The following CMTR1 variants were observed in gnomAD, a reference collection of about 807,000 sequenced individuals.
The protein encoded by CMTR1 is cap-specific mRNA (nucleoside-2'-O-)-methyltransferase 1.
In CMTR1, 39 loss-of-function variants were observed where a neutral mutation model predicts 107.0. The ratio of observed to expected loss-of-function variants is 0.36; its 90% confidence interval spans 0.28 to 0.48. The LOEUF (loss-of-function observed/expected upper bound fraction) is 0.48, where lower values mean the gene tolerates loss of function less well. Among genes scored for constraint, CMTR1 ranks in the 20% least tolerant of loss-of-function variants. CMTR1 has a pLI of 0.99. For missense variants in CMTR1, 672 were observed against 1,064.9 expected (o/e 0.63, Z 5.14); for synonymous variants, 366 against 379.5 (o/e 0.96, Z 0.41).
At chr6:37,477,905 G>T (rs1458275705) in intron 21 of CMTR1, among the ~76,000 whole-genome samples, 1 of 152,238 alleles carries the variant, frequency 6.6e-6, no homozygotes, top group Admixed American at 6.5e-5. Context: ...TCATAGTTAC[G>T]ATGGGCCCTG....
chr6:37,446,161 A>T, intron 3 of CMTR1, 130 bp from the exon 4 acceptor site: 1 of 997,138 alleles, frequency 1.0e-6, no homozygotes, highest in Non-Finnish European at 1.5e-6. Context: ...TTTCTTCATT[A>T]GGCTAAGACA....
chr6:37,471,162 T>C, intron 14 of CMTR1, 85 bp downstream of exon 14: 1 of 1,250,714 alleles, frequency 8.0e-7, no homozygotes, highest in Non-Finnish European at 1.1e-6. Flanking sequence ...TTTTTTTCAT[T>C]TCAACAAACA....
chr6:37,438,451 C>T lies in CMTR1; in HGVS notation c.133+2689C>T, dbSNP rs6925634. Among the ~76,000 whole-genome samples, 145 of 152,172 alleles carry T rather than the reference C, an allele frequency of 9.5e-4. 4 individuals carry two copies. The South Asian group carries it at 0.02, about 21-fold the overall frequency. ...GTATGTGTCTGGCAAGAGGCCACTT[C>T]GTCCTTTCATTTGCAGAAAATGAGA... On this transcript the variant is annotated intron_variant, in intron 2 of 23. Transcript: ENST00000373451.
At chr6:37,446,523 A>G (rs765990739) in intron 4 of CMTR1, 74 bp downstream of exon 4, 121 of 1,514,568 alleles carry the variant, frequency 8.0e-5, no homozygotes, top group Non-Finnish European at 1.0e-4. Flanking sequence ...AAGCCATATC[A>G]ACAAACTAGA....
chr6:37,479,301 A>T (rs1353163990), intron 23 of CMTR1, 46 bp downstream of exon 23: 1 of 1,284,020 alleles, frequency 7.8e-7, no homozygotes, highest in African/African-American at 1.5e-5. Flanking sequence ...AGCCTCAAGT[A>T]CTCCTGCAGG....
At chr6:37,453,349 A>G in intron 8 of CMTR1, 37 bp downstream of exon 8, 3 of 1,576,952 alleles carry the variant, frequency 1.9e-6, no homozygotes, top group South Asian at 2.2e-5. Flanking sequence ...TCATGGTGCT[A>G]AGAGGGCTTA....
chr6:37,425,451 G>A, the CMTR1 span, among the ~76,000 whole-genome samples: 3 of 150,778 alleles, frequency 2.0e-5, no homozygotes, highest in Non-Finnish European at 4.4e-5. Context: ...CACGTGCCAC[G>A]CCTGGCTAAT....
intron 2 of CMTR1, among the ~76,000 whole-genome samples, chr6:37,438,878 A>G (rs534003372): frequency 3.3e-5 from 5 of 152,212 alleles, no homozygotes; most frequent in African/African-American, 4.8e-5. Context: ...CAGCTTTCCT[A>G]TTCAAATCAT....
chr6:37,475,444 G>C, intron 19 of CMTR1, 32 bp downstream of exon 19: 3 of 1,581,324 alleles, frequency 1.9e-6, no homozygotes, highest in African/African-American at 1.3e-5. Flanking sequence ...AGGGAGGGTG[G>C]GGGTAGGCCA....
At chr6:37,476,371 C>T (rs1448285634) in intron 20 of CMTR1, among the ~76,000 whole-genome samples, 177 bp downstream of exon 20, 2 of 152,166 alleles carry the variant, frequency 1.3e-5, no homozygotes, top group Non-Finnish European at 2.9e-5. Context: ...CCCAGAGCAT[C>T]TCCCCATCCT....
intron 4 of CMTR1, among the ~76,000 whole-genome samples, chr6:37,447,973 G>T (rs567567254): frequency 3.3e-5 from 5 of 152,216 alleles, no homozygotes; most frequent in Admixed American, 6.5e-5. Context: ...CACTTTGGGA[G>T]GCCAAGGCAG....
chr6:37,440,022 G>T (rs922241642), intron 2 of CMTR1, among the ~76,000 whole-genome samples: 3 of 152,068 alleles, frequency 2.0e-5, no homozygotes, highest in Non-Finnish European at 4.4e-5. Flanking sequence ...CCAACAGCCA[G>T]GAGACCTCTG....
At chr6:37,465,576 G>A (rs150217611) in intron 13 of CMTR1, among the ~76,000 whole-genome samples, 306 of 152,258 alleles carry the variant, frequency 2.0e-3, no homozygotes, top group Non-Finnish European at 3.7e-3. Flanking sequence ...TTATTAAGTT[G>A]CAGGAATTAT....
the CMTR1 span, among the ~76,000 whole-genome samples, chr6:37,427,891 A>T: frequency 6.6e-6 from 1 of 152,082 alleles, no homozygotes; most frequent in Non-Finnish European, 1.5e-5. This position sits in a 1 kb window ranked among gnomAD's most constrained non-coding sequence, Gnocchi z 4.4. Flanking sequence ...CTGGACTTGA[A>T]ATGTTTCGTG....
At chr6:37,442,846 G>A (rs1323998474) in intron 2 of CMTR1, among the ~76,000 whole-genome samples, 3 of 152,166 alleles carry the variant, frequency 2.0e-5, no homozygotes, top group African/African-American at 7.2e-5. Flanking sequence ...ACACACTGCC[G>A]TCTGTGACTT....
At chr6:37,444,237 T>C (rs1318810527) in intron 3 of CMTR1, 87 bp downstream of exon 3, 6 of 1,518,454 alleles carry the variant, frequency 4.0e-6, no homozygotes, top group Non-Finnish European at 5.3e-6. Flanking sequence ...AGAAGAAAAG[T>C]TTGGCCATAG....
At chr6:37,461,009 G>A (rs1243533503) in intron 10 of CMTR1, among the ~76,000 whole-genome samples, 1 of 152,154 alleles carries the variant, frequency 6.6e-6, no homozygotes. Context: ...AAGAGGCACC[G>A]TGGTCTTAGG....
chr6:37,464,892 C>CTGTGTGTGTGTGTGTGTGTGTG (rs61375488), intron 13 of CMTR1, among the ~76,000 whole-genome samples: 7 of 148,242 alleles, frequency 4.7e-5, no homozygotes, highest in African/African-American at 1.8e-4. Context: ...TTCTAAAACG[C>CTGTGTGTGTGTGTGTGTGTGTG]TGTGTGTGTG....
At chr6:37,437,588 T>C (rs1581726304) in intron 2 of CMTR1, among the ~76,000 whole-genome samples, 1 of 150,676 alleles carries the variant, frequency 6.6e-6, no homozygotes, top group East Asian at 1.9e-4. Context: ...ATTCTTCCAG[T>C]GTGGCCCAAG....
Sources: gnomAD v4.1 joint callset for allele counts (sites outside exome capture counted in the v4.1 genomes callset) on GRCh38, gnomAD v4.1.1 for gene constraint, Gnocchi (gnomAD v3.1) non-coding constraint, MANE v1.5 for transcripts, NCBI Gene and HGNC (gene_info 2026-07-23, HGNC 2026-07-21) for gene names.